The following LOC128462377 variants were observed in gnomAD, a reference collection of about 807,000 sequenced individuals.
the LOC128462377 span, among the ~76,000 whole-genome samples, chr16:89,362,187 T>C: frequency 6.6e-6 from 1 of 152,260 alleles, no homozygotes; most frequent in Non-Finnish European, 1.5e-5. Flanking sequence ...TCTTCTGAAA[T>C]ACCAACTGCC....
At chr16:89,393,963 G>A in the LOC128462377 span, among the ~76,000 whole-genome samples, 19 of 152,234 alleles carry the variant, frequency 1.2e-4, no homozygotes, top group African/African-American at 3.6e-4. Flanking sequence ...CTACGAATAA[G>A]TGAAGCTCAA....
chr16:89,397,094 G>T, the LOC128462377 span, among the ~76,000 whole-genome samples: 1 of 152,068 alleles, frequency 6.6e-6, no homozygotes, highest in Non-Finnish European at 1.5e-5. Context: ...ATTGGAATTG[G>T]TATACAGACA....
chr16:89,321,781 A>C, the LOC128462377 span, among the ~76,000 whole-genome samples: 13 of 152,116 alleles, frequency 8.5e-5, no homozygotes, highest in African/African-American at 3.1e-4. Flanking sequence ...ACCATGAACA[A>C]CCTGGGTCTG....
chr16:89,407,775 A>T, the LOC128462377 span, among the ~76,000 whole-genome samples: 2 of 149,754 alleles, frequency 1.3e-5, no homozygotes, highest in Non-Finnish European at 1.5e-5. Context: ...GCTTGAGCCC[A>T]GGAGGCAGAG....
At chr16:89,415,664 C>T in the LOC128462377 span, among the ~76,000 whole-genome samples, 2 of 151,012 alleles carry the variant, frequency 1.3e-5, no homozygotes, top group Non-Finnish European at 3.0e-5. Context: ...CCTATCTCTA[C>T]TAAAAACACA....
At chr16:89,380,793 T>C in the LOC128462377 span, among the ~76,000 whole-genome samples, 1 of 152,230 alleles carries the variant, frequency 6.6e-6, no homozygotes, top group Non-Finnish European at 1.5e-5. Context: ...CAGGGCTGCG[T>C]AACCACCACG....
chr16:89,353,603 T>C, the LOC128462377 span, among the ~76,000 whole-genome samples: 1 of 151,792 alleles, frequency 6.6e-6, no homozygotes, highest in Admixed American at 6.6e-5. Flanking sequence ...TCAGCCTCCC[T>C]AGTAGCTGGG....
At chr16:89,324,575 G>A in the LOC128462377 span, 6 of 453,886 alleles carry the variant, frequency 1.3e-5, no homozygotes, top group Middle Eastern at 3.2e-4. Context: ...CCTCCATCTG[G>A]GGGGGCATGA....
the LOC128462377 span, chr16:89,396,191 C>T: frequency 6.6e-6 from 1 of 152,226 alleles, no homozygotes; most frequent in Non-Finnish European, 1.5e-5. Flanking sequence ...TTCTGAAGAA[C>T]TAAAAGTCTC....
chr16:89,383,823 C>T, the LOC128462377 span, among the ~76,000 whole-genome samples: 1 of 152,200 alleles, frequency 6.6e-6, no homozygotes, highest in South Asian at 2.1e-4. Flanking sequence ...GGCAAAGGTG[C>T]AGACTCCTCC....
chr16:89,405,048 A>G, the LOC128462377 span, among the ~76,000 whole-genome samples: 1 of 152,132 alleles, frequency 6.6e-6, no homozygotes, highest in East Asian at 1.9e-4. Flanking sequence ...GCCATGGCCC[A>G]CAACACAGCC....
At chr16:89,325,040 C>T in the LOC128462377 span, 2 of 157,358 alleles carry the variant, frequency 1.3e-5, no homozygotes, top group African/African-American at 4.8e-5. Flanking sequence ...ACCTGGCAAT[C>T]TCTACTCATA....
At chr16:89,385,510 C>A in the LOC128462377 span, among the ~76,000 whole-genome samples, 1 of 152,178 alleles carries the variant, frequency 6.6e-6, no homozygotes, top group Non-Finnish European at 1.5e-5. Flanking sequence ...GCCAGAGACA[C>A]CGAGACCCTG....
At chr16:89,373,184 G>C in the LOC128462377 span, 2 of 152,238 alleles carry the variant, frequency 1.3e-5, no homozygotes, top group African/African-American at 4.8e-5. Flanking sequence ...ATCATCCAAT[G>C]CAACTGGAAA....
At chr16:89,346,001 G>C in the LOC128462377 span, among the ~76,000 whole-genome samples, 1 of 152,092 alleles carries the variant, frequency 6.6e-6, no homozygotes, top group African/African-American at 2.4e-5. Context: ...CAGCACTTTG[G>C]GAGGCCAAAG....
the LOC128462377 span, among the ~76,000 whole-genome samples, chr16:89,334,169 A>AAAAAAAAAAAAC: frequency 9.3e-6 from 1 of 107,292 alleles, no homozygotes; most frequent in African/African-American, 3.5e-5. Flanking sequence ...AAAAAAAAAA[A>AAAAAAAAAAAAC]AAAACAGAGA....
At chr16:89,371,618 C>CT in the LOC128462377 span, among the ~76,000 whole-genome samples, 1 of 152,166 alleles carries the variant, frequency 6.6e-6, no homozygotes, top group Admixed American at 6.5e-5. Flanking sequence ...TGTGCACTCC[C>CT]TGCCCACATG....
chr16:89,389,734 A>G, the LOC128462377 span, among the ~76,000 whole-genome samples: 942 of 119,844 alleles, frequency 7.9e-3, no homozygotes, highest in Middle Eastern at 0.075. Flanking sequence ...TCACTGGGGC[A>G]AACACCGAGT....
the LOC128462377 span, among the ~76,000 whole-genome samples, chr16:89,348,500 G>A: frequency 6.6e-6 from 1 of 152,148 alleles, no homozygotes; most frequent in Non-Finnish European, 1.5e-5. Flanking sequence ...CTCTGTTGTG[G>A]AAGGGCTTCT....
Sources: gnomAD v4.1 joint callset for allele counts (sites outside exome capture counted in the v4.1 genomes callset) on GRCh38, gnomAD v4.1.1 for gene constraint, MANE v1.5 for transcripts.